CACNA2D3: variants seen among roughly 807,000 people sequenced by gnomAD.
The protein encoded by CACNA2D3 is calcium voltage-gated channel auxiliary subunit alpha2delta 3.
Under a neutral mutation model 160.6 loss-of-function variants are expected in CACNA2D3, and 60 were observed. The observed-to-expected ratio is 0.37, with a 90% CI of 0.30 to 0.46. The LOEUF (loss-of-function observed/expected upper bound fraction) is 0.46, where lower values mean the gene tolerates loss of function less well. Among genes scored for constraint, CACNA2D3 ranks in the 20% least tolerant of loss-of-function variants. The pLI is 1.00. For missense variants in CACNA2D3, 1,205 were observed against 1,365.0 expected (o/e 0.88, Z 1.85); for synonymous variants, 558 against 492.9 (o/e 1.13, Z -1.75).
chr3:54,660,616 G>C (rs1372681970), intron 11 of CACNA2D3, among the ~76,000 whole-genome samples: 3 of 152,158 alleles, frequency 2.0e-5, no homozygotes, highest in Non-Finnish European at 2.9e-5. Flanking sequence ...GGCTCCCAAT[G>C]CCAAATGGTT....
intron 35 of CACNA2D3, among the ~76,000 whole-genome samples, chr3:55,037,536 G>A (rs529320725): frequency 2.5e-4 from 38 of 152,264 alleles, no homozygotes; most frequent in Non-Finnish European, 4.9e-4. Context: ...AGGGCGGGCC[G>A]AAGATAAACC....
intron 11 of CACNA2D3, among the ~76,000 whole-genome samples, chr3:54,698,307 ATGT>A (rs1339278475): frequency 6.6e-6 from 1 of 152,186 alleles, no homozygotes; most frequent in Admixed American, 6.6e-5. Flanking sequence ...CACAGGGATG[ATGT>A]TGTTTATTTA....
chr3:54,352,549 A>ACAG (rs1698582209), intron 3 of CACNA2D3, among the ~76,000 whole-genome samples: 1 of 152,222 alleles, frequency 6.6e-6, no homozygotes, highest in African/African-American at 2.4e-5. Flanking sequence ...CACAGACATA[A>ACAG]CAGCAGCAGC....
intron 11 of CACNA2D3, among the ~76,000 whole-genome samples, chr3:54,663,616 G>A (rs758440290): frequency 3.9e-4 from 60 of 152,328 alleles, no homozygotes; most frequent in Middle Eastern, 6.8e-3. Context: ...ACAACTAAAT[G>A]CATTTATGAT....
chr3:54,486,118 A>G (rs1701012294), intron 4 of CACNA2D3, among the ~76,000 whole-genome samples: 1 of 152,204 alleles, frequency 6.6e-6, no homozygotes, highest in Non-Finnish European at 1.5e-5. Flanking sequence ...TGAATGGGCT[A>G]AGAAAGCCAG....
At chr3:54,869,799 C>T (rs537667562) in intron 17 of CACNA2D3, among the ~76,000 whole-genome samples, 1 of 152,318 alleles carries the variant, frequency 6.6e-6, no homozygotes, top group South Asian at 2.1e-4. Context: ...TTCTGTTCAG[C>T]CCAAGACTGC....
chr3:54,376,273 C>T (rs899206716), intron 3 of CACNA2D3, among the ~76,000 whole-genome samples: 8 of 152,208 alleles, frequency 5.3e-5, no homozygotes, highest in South Asian at 2.1e-4. Context: ...CTTTGCTGCT[C>T]CTTCGCCGTC....
intron 5 of CACNA2D3, among the ~76,000 whole-genome samples, chr3:54,520,095 G>T (rs1302454904): frequency 6.6e-6 from 1 of 152,372 alleles, no homozygotes; most frequent in South Asian, 2.1e-4. Flanking sequence ...AAAAGTGCAA[G>T]TTAACTTCCT....
At chr3:54,533,486 C>G (rs1026807239) in intron 5 of CACNA2D3, among the ~76,000 whole-genome samples, 1 of 152,086 alleles carries the variant, frequency 6.6e-6, no homozygotes, top group African/African-American at 2.4e-5. Context: ...AGGGGCATGC[C>G]ACCATGCCTG....
Position 54,357,623 on chromosome 3 carries a change from T to G in CACNA2D3, c.322-29092T>G, listed in dbSNP as rs185070477. On this transcript the variant is annotated intron_variant, in intron 3 of 37. Transcript: ENST00000474759. ...TGTCCAAAACCTGCAAGCAAATGTT[T>G]ATAGCAGACTTACTCACAATTGCCA... Among the ~76,000 whole-genome samples the G allele has an allele frequency of 3.2e-3, 481 of 152,332 alleles. 1 individual carries two copies. The highest frequency in any genetic ancestry group is 5.4e-3 in the Non-Finnish European group (366 of 68,034).
chr3:54,731,069 A>G (rs951319793), intron 11 of CACNA2D3, among the ~76,000 whole-genome samples: 3 of 152,150 alleles, frequency 2.0e-5, no homozygotes, highest in African/African-American at 7.2e-5. Flanking sequence ...AAAAAAGTCA[A>G]CTTGCCAAAA....
At chr3:54,189,658 A>G (rs1168076733) in intron 2 of CACNA2D3, among the ~76,000 whole-genome samples, 1 of 152,138 alleles carries the variant, frequency 6.6e-6, no homozygotes, top group Non-Finnish European at 1.5e-5. Context: ...GCCTAGCTTC[A>G]GGAGGAAGTT....
intron 35 of CACNA2D3, among the ~76,000 whole-genome samples, chr3:55,057,502 T>C (rs1021248757): frequency 1.3e-5 from 2 of 151,994 alleles, no homozygotes; most frequent in Admixed American, 6.6e-5. Context: ...CTAACTGAAG[T>C]CTGTTAACAG....
chr3:54,606,721 C>T (rs186075386), intron 9 of CACNA2D3, among the ~76,000 whole-genome samples: 4 of 152,240 alleles, frequency 2.6e-5, no homozygotes, highest in African/African-American at 7.2e-5. Flanking sequence ...CAAATGTAGC[C>T]CTGTGCGCAC....
intron 34 of CACNA2D3, among the ~76,000 whole-genome samples, chr3:55,013,226 T>C (rs1703248707): frequency 6.6e-6 from 1 of 152,112 alleles, no homozygotes; most frequent in Non-Finnish European, 1.5e-5. Context: ...ACTGCTAGAA[T>C]TTGCCACCAA....
At chr3:54,597,737 T>C (rs1220368828) in intron 9 of CACNA2D3, among the ~76,000 whole-genome samples, 1 of 152,160 alleles carries the variant, frequency 6.6e-6, no homozygotes, top group African/African-American at 2.4e-5. Context: ...GATCCCGAGT[T>C]GTCTAGGGTT....
chr3:54,519,644 G>GA (rs1409628701), intron 5 of CACNA2D3, among the ~76,000 whole-genome samples: 15 of 152,196 alleles, frequency 9.9e-5, no homozygotes, highest in African/African-American at 3.6e-4. Flanking sequence ...AGTCGTAGGA[G>GA]ATATGTAATA....
At chr3:54,925,996 A>G (rs1335901441) in intron 27 of CACNA2D3, among the ~76,000 whole-genome samples, 7 of 152,214 alleles carry the variant, frequency 4.6e-5, no homozygotes, top group Non-Finnish European at 7.3e-5. Flanking sequence ...TAGTTCTGCA[A>G]GTCCTTCATG....
chr3:54,940,041 G>A (rs892995300), intron 27 of CACNA2D3, among the ~76,000 whole-genome samples: 2 of 149,302 alleles, frequency 1.3e-5, no homozygotes, highest in Admixed American at 6.6e-5. Context: ...GTGGAAGATG[G>A]AGAAGGTGGA....
Sources: allele counts gnomAD v4.1 joint callset (sites outside exome capture counted in the v4.1 genomes callset), GRCh38; gene constraint gnomAD v4.1.1; transcripts MANE v1.5; gene names NCBI Gene and HGNC (gene_info 2026-07-23, HGNC 2026-07-21).